Variants in HEPACAM observed in about 807,000 individuals in gnomAD.
HEPACAM encodes hepatocyte cell adhesion molecule.
Under a neutral mutation model 38.3 loss-of-function variants are expected in HEPACAM, and 18 were observed. The ratio of observed to expected loss-of-function variants is 0.47; its 90% confidence interval spans 0.33 to 0.70. The LOEUF is 0.70. HEPACAM is among the 30% of genes least tolerant of loss of function. The pLI is 0.03. For missense variants in HEPACAM, 466 were observed against 563.0 expected (o/e 0.83, Z 1.74); for synonymous variants, 216 against 243.1 (o/e 0.89, Z 1.04).
chr11:124,925,538 G>T (rs142805377), intron 1 of HEPACAM, among the ~76,000 whole-genome samples: 7 of 152,280 alleles, frequency 4.6e-5, no homozygotes, highest in Non-Finnish European at 8.8e-5. Flanking sequence ...GGATTGGGAG[G>T]GTGAGGAGAT....
In HEPACAM at chr11:124,920,795, A is replaced by C; in HGVS notation, c.*343T>G. ...TCCCTAGGAAGAGCACAGGATAGTC[A>C]CGGGGGTTAGGTTACTGATGTTAGT... is the stretch of plus-strand genomic sequence containing the variant. On this transcript the variant is annotated 3_prime_UTR_variant, in exon 7 of 7. Transcript: ENST00000298251. 9.1e-7 allele frequency: 1 copy of C among 1,097,672 alleles called. No individual in the cohort carries two copies. The highest frequency in any genetic ancestry group is 1.1e-6 in the Non-Finnish European group (1 of 903,004). The allele number at this position is 1,097,672 out of a possible 1,614,324, so 68.0% of individuals were successfully genotyped here.
chr11:124,925,153 C>T (rs1947191296), intron 1 of HEPACAM, 84 bp from the exon 2 acceptor site: 13 of 1,096,430 alleles, frequency 1.2e-5, no homozygotes, highest in South Asian at 1.6e-5. Flanking sequence ...CCTCTGATCT[C>T]CCAAAGCTTC....
At chr11:124,930,482 A>T (rs951542717) in intron 1 of HEPACAM, among the ~76,000 whole-genome samples, 1 of 152,242 alleles carries the variant, frequency 6.6e-6, no homozygotes, top group African/African-American at 2.4e-5. Context: ...TTTATCTACA[A>T]TCTAAGGAGT....
intron 1 of HEPACAM, among the ~76,000 whole-genome samples, chr11:124,925,666 G>T (rs375100939): frequency 1.3e-5 from 2 of 151,706 alleles, no homozygotes; most frequent in African/African-American, 2.4e-5. Flanking sequence ...GCCTCTTCCC[G>T]TTTTTTTTGC....
rs1472410110 is a variant in HEPACAM, at chr11:124,919,567, T to C, written c.*1571A>G. The C allele has an allele frequency of 1.6e-6, 1 of 633,324 alleles. No individual in the cohort carries two copies. The highest frequency in any genetic ancestry group is 2.7e-6 in the Non-Finnish European group (1 of 367,124). The allele number at this position is 633,324 out of a possible 1,614,324, so 39.2% of individuals were successfully genotyped here. ...CTTTTCCCCTACATGCATTATCTCA[T>C]TATGGATGAGGCACCTGGGAAGTTT... On this transcript the variant is annotated 3_prime_UTR_variant, in exon 7 of 7. Coordinates refer to ENST00000298251, the MANE Select transcript of HEPACAM (RefSeq NM_152722.5).
intron 1 of HEPACAM, among the ~76,000 whole-genome samples, chr11:124,926,892 G>A (rs561474158): frequency 7.2e-5 from 11 of 151,958 alleles, no homozygotes; most frequent in African/African-American, 1.5e-4. Context: ...TTTTTGAGAC[G>A]GAGTCTTGTT....
In HEPACAM at chr11:124,920,919, C is replaced by T. The variant is rs1380345559; in HGVS notation, c.*219G>A. 1 of 1,355,518 alleles carries T rather than the reference C, an allele frequency of 7.4e-7. No individual in the cohort carries two copies. Among genetic ancestry groups the T allele is most frequent in the Non-Finnish European group, 9.5e-7 (1 of 1,057,194 alleles). 84.0% of individuals were successfully genotyped at this position (1,355,518 alleles called of 1,614,324 possible). On this transcript the variant is annotated 3_prime_UTR_variant, in exon 7 of 7. Transcript: ENST00000298251. ...CCAAGTGAGGACACAGCCAGTAAACCGGAAGCAAATGCGACCCGGTTTCAC... is the reference window on the plus strand; with the variant it reads ...CCAAGTGAGGACACAGCCAGTAAACTGGAAGCAAATGCGACCCGGTTTCAC...
Position 124,923,395 on chromosome 11 carries a change from T to C in HEPACAM, c.748A>G (p.Ile250Val), listed in dbSNP as rs753545398. The change falls in exon 4 of 7, where the codon ATC (isoleucine) becomes GTC (valine). Residue 250 changes from isoleucine (I) to valine (V), a missense_variant. Ile to Val is a conservative substitution (Grantham distance 29). Coordinates refer to ENST00000298251, the MANE Select transcript of HEPACAM (RefSeq NM_152722.5). ...GTCACCAAGGTCACAAGGAGGAAGA[T>C]GCCTCCTGTAGACAAGATGATGTAA... is the stretch of plus-strand genomic sequence containing the variant. ...SLYIILSTGG[I>V]FLLVTLVTVC... 4 of 1,613,596 alleles carry C rather than the reference T, an allele frequency of 2.5e-6. No individual in the cohort carries two copies. Among genetic ancestry groups the C allele is most frequent in the Non-Finnish European group, 2.5e-6 (3 of 1,179,690 alleles).
chr11:124,924,123 T>C lies in HEPACAM; in HGVS notation c.428-113A>G. 2.9e-6 allele frequency: 3 copies of C among 1,041,254 alleles called. No individual in the cohort carries two copies. The highest frequency in any genetic ancestry group is 2.0e-5 in the Admixed American group (1 of 50,126). 64.5% of individuals were successfully genotyped at this position (1,041,254 alleles called of 1,614,324 possible). A position where few individuals can be genotyped will look rare whatever the true frequency, so the allele number is the denominator to read the frequency against. ...TTTAACACTACCTTCCAACTCAATC[T>C]GTGGGCTGAGAAGACTTCAGACATC... On this transcript the variant is annotated intron_variant, in intron 2 of 6. Coordinates refer to ENST00000298251, the MANE Select transcript of HEPACAM (RefSeq NM_152722.5). The surrounding 1 kb of genome is among the most constrained non-coding windows in gnomAD (Gnocchi z 4.4).
Position 124,919,703 on chromosome 11 carries a change from T to C in HEPACAM, c.*1435A>G. ...CAGGGCAGAGGGGGCAAACTAGAAA[T>C]GTCAGTGCCTTTGGGGCTGAGACAA... On this transcript the variant is annotated 3_prime_UTR_variant, in exon 7 of 7. Transcript: ENST00000298251. 1 of 1,599,058 alleles carries C rather than the reference T, an allele frequency of 6.3e-7. No homozygotes were observed. The highest frequency in any genetic ancestry group is 8.5e-7 in the Non-Finnish European group (1 of 1,172,486).
rs957117588 is a variant in HEPACAM, at chr11:124,921,875, C to T, written c.949-435G>A. 1.3e-5 allele frequency among the ~76,000 whole-genome samples: 2 copies of T among 152,168 alleles called. No homozygotes were observed. The highest frequency in any genetic ancestry group is 4.8e-5 in the African/African-American group (2 of 41,440). On this transcript the variant is annotated intron_variant, in intron 6 of 6. Transcript: ENST00000298251. This position sits in a 1 kb window ranked among gnomAD's most constrained non-coding sequence, Gnocchi z 4.6. ...TCTAATCTCTAAAATGTGCATGACA[C>T]AAATATTTCACAGGGTTATTCTGAG...
intron 1 of HEPACAM, among the ~76,000 whole-genome samples, chr11:124,927,349 CTTT>C (rs201026909): frequency 7.0e-6 from 1 of 143,292 alleles, no homozygotes; most frequent in Non-Finnish European, 1.5e-5. Flanking sequence ...TTAACTCTGA[CTTT>C]TTTTTTTTTT....
At chr11:124,931,809 G>T (rs569866103) in intron 1 of HEPACAM, among the ~76,000 whole-genome samples, 31 of 152,180 alleles carry the variant, frequency 2.0e-4, no homozygotes, top group African/African-American at 7.2e-4. Flanking sequence ...ATAAAGCCCC[G>T]ATGGGGCTAA....
chr11:124,920,517 C>T lies in HEPACAM; in HGVS notation c.*621G>A. 3 of 1,449,750 alleles carry T rather than the reference C, an allele frequency of 2.1e-6. No homozygotes were observed. Among genetic ancestry groups the T allele is most frequent in the South Asian group, 1.3e-5 (1 of 77,438 alleles). 89.8% of individuals were successfully genotyped at this position (1,449,750 alleles called of 1,614,324 possible). A position where few individuals can be genotyped will look rare whatever the true frequency, so the allele number is the denominator to read the frequency against. On this transcript the variant is annotated 3_prime_UTR_variant, in exon 7 of 7. Coordinates refer to ENST00000298251, the MANE Select transcript of HEPACAM (RefSeq NM_152722.5). ...ATGTACTCGTACCCTTCCCTCACCACCTTGTAGGTCCCCAGGTACCAGGTG... is the reference window on the plus strand; with the variant it reads ...ATGTACTCGTACCCTTCCCTCACCATCTTGTAGGTCCCCAGGTACCAGGTG...
rs528472804 is a variant in HEPACAM at position 124,920,607 on chromosome 11, C to T, written c.*531G>A. The T allele has an allele frequency of 9.2e-7, 1 of 1,085,204 alleles. No individual in the cohort carries two copies. The highest frequency in any genetic ancestry group is 1.8e-5 in the African/African-American group (1 of 56,748). The allele number at this position is 1,085,204 out of a possible 1,614,324, so 67.2% of individuals were successfully genotyped here. ...GAACAGCCCCTGCACACCCAGTAAC[C>T]GGCATCTGGCTTCTCCTTAGCTTAG... On this transcript the variant is annotated 3_prime_UTR_variant, in exon 7 of 7. Coordinates refer to ENST00000298251, the MANE Select transcript of HEPACAM (RefSeq NM_152722.5).
At chr11:124,933,008 C>A (rs1446453889) in intron 1 of HEPACAM, among the ~76,000 whole-genome samples, 2 of 151,984 alleles carry the variant, frequency 1.3e-5, no homozygotes, top group African/African-American at 4.8e-5. Flanking sequence ...ATTTATTGGT[C>A]CCAGAAGCAA....
Position 124,920,877 on chromosome 11 carries a change from A to C in HEPACAM, c.*261T>G. 7.6e-7 allele frequency: 1 copy of C among 1,310,422 alleles called. No homozygotes were observed. Among genetic ancestry groups the C allele is most frequent in the Non-Finnish European group, 9.7e-7 (1 of 1,031,552 alleles). The allele number at this position is 1,310,422 out of a possible 1,614,324, so 81.2% of individuals were successfully genotyped here. The stretch of plus-strand genomic sequence containing the variant: ...AAATGTAATAATCTATGTGGTCCTA[A>C]GAGGGCACAACCTATACCAAGTGAG... On this transcript the variant is annotated 3_prime_UTR_variant, in exon 7 of 7. Transcript: ENST00000298251.
chr11:124,921,429 C>T lies in HEPACAM; in HGVS notation c.960G>A (p.Glu320=), dbSNP rs1408008304. The T allele has an allele frequency of 3.1e-5, 40 of 1,270,184 alleles. No individual in the cohort carries two copies. Among genetic ancestry groups the T allele is most frequent in the Non-Finnish European group, 3.9e-5 (39 of 1,011,012 alleles). The allele number at this position is 1,270,184 out of a possible 1,614,324, so 78.7% of individuals were successfully genotyped here. The change falls in exon 7 of 7, where the codon GAG becomes GAA. Residue 320 remains glutamate (E), a synonymous_variant. Coordinates refer to ENST00000298251, the MANE Select transcript of HEPACAM (RefSeq NM_152722.5). This position sits in a 1 kb window ranked among gnomAD's most constrained non-coding sequence, Gnocchi z 4.6. ...LYILKDKDSP[E]TEENPAPEPR... ...GCTCCGGGGCCGGGTTCTCCTCGGTCTCCGGGGAGTCCTGCAAGGACACGC... is the reference window on the plus strand; with the variant it reads ...GCTCCGGGGCCGGGTTCTCCTCGGTTTCCGGGGAGTCCTGCAAGGACACGC...
At position 124,921,167 on chromosome 11, in the gene HEPACAM, C is replaced by T. The variant is rs1190078650; in HGVS notation, c.1222G>A (p.Glu408Lys). The change falls in exon 7 of 7, where the codon GAG becomes AAG. Residue 408 changes from glutamate to lysine, a missense_variant. Transcript: ENST00000298251. The surrounding 1 kb of genome is among the most constrained non-coding windows in gnomAD (Gnocchi z 4.6). ...GCGCTGATCTCCACCGGGCCGGCCT[C>T]GTCTTGCTCGCGGATTATGTGCACG... ...AGVHIIREQD[E>K]AGPVEISA 6.5e-7 allele frequency: 1 copy of T among 1,527,952 alleles called. No individual in the cohort carries two copies. Among genetic ancestry groups the T allele is most frequent in the South Asian group, 1.2e-5 (1 of 83,386 alleles). The allele number at this position is 1,527,952 out of a possible 1,614,324, so 94.6% of individuals were successfully genotyped here. A position where few individuals can be genotyped will look rare whatever the true frequency, so the allele number is the denominator to read the frequency against.
Sources: gnomAD v4.1 joint callset for allele counts (sites outside exome capture counted in the v4.1 genomes callset) on GRCh38, gnomAD v4.1.1 for gene constraint, Gnocchi (gnomAD v3.1) non-coding constraint, MANE v1.5 for transcripts, NCBI Gene and HGNC (gene_info 2026-07-23, HGNC 2026-07-21) for gene names.